Variants in CACNB3 observed in about 807,000 individuals in gnomAD.
CACNB3 encodes voltage-dependent L-type calcium channel subunit beta-3.
CACNB3 carries 36 observed loss-of-function variants against 63.7 expected under a neutral mutation model. The observed-to-expected ratio is 0.57, with a 90% CI of 0.43 to 0.75. The LOEUF (loss-of-function observed/expected upper bound fraction) is 0.75, where lower values mean the gene tolerates loss of function less well. Ranked by LOEUF, CACNB3 falls within the 30% of genes least tolerant of loss-of-function variation. CACNB3 has a pLI of 0.00. For synonymous variants in CACNB3, 241 were observed against 250.6 expected, an observed-to-expected ratio of 0.96 and a Z score of 0.36; for missense variants, 493 against 648.6, an observed-to-expected ratio of 0.76 and a Z score of 2.61.
intron 1 of CACNB3, chr12:48,819,755 G>T: frequency 2.3e-6 from 1 of 429,944 alleles, no homozygotes; most frequent in South Asian, 1.6e-5. Context: ...TTTGCTCAGA[G>T]AAACAGGCAA....
chr12:48,823,352 C>T lies in CACNB3; in HGVS notation c.54C>T (p.Ala18=), dbSNP rs765984263. The part of the protein sequence containing the change: ...PGFEDSEAGS[A]DSYTSRPSLD... ...CCTCTTTCCCAACCCAGGGTTCAGC[C>T]GACTCCTACACCAGCCGCCCATCTC... The change falls in exon 2 of 13, where the codon GCC becomes GCT. Residue 18 remains alanine (A), a synonymous_variant. Coordinates refer to ENST00000301050, the MANE Select transcript of CACNB3 (RefSeq NM_000725.4). This position sits in a 1 kb window ranked among gnomAD's most constrained non-coding sequence, Gnocchi z 4.2. 30 of 1,613,756 alleles carry T rather than the reference C, an allele frequency of 1.9e-5. No homozygotes were observed. Among genetic ancestry groups the T allele is most frequent in the South Asian group, 1.4e-4 (13 of 91,016 alleles).
Position 48,824,312 on chromosome 12 carries a change from G to A in CACNB3, c.346G>A (p.Ala116Thr), listed in dbSNP as rs764262320. ...GCTAGTGAAAGAGGGCGGGGACATC[G>A]CCTTCATCCCCAGCCCCCAGCGCCT... is the stretch of plus-strand genomic sequence containing the variant. The part of the protein sequence containing the change: ...GRLVKEGGDI[A>T]FIPSPQRLES... Residue 116 changes from alanine (A) to threonine (T), a missense_variant, in exon 4 of 13, where the codon GCC becomes ACC. By Grantham distance (58) the Ala-to-Thr change is moderately conservative. Coordinates refer to ENST00000301050, the MANE Select transcript of CACNB3 (RefSeq NM_000725.4). 28 of 1,612,854 alleles carry A rather than the reference G, an allele frequency of 1.7e-5. No homozygotes were observed. The highest frequency in any genetic ancestry group is 2.2e-5 in the East Asian group (1 of 44,860).
At chr12:48,815,107 T>G, upstream of CACNB3, 1 of 160,478 alleles carries the variant, frequency 6.2e-6, no homozygotes. Flanking sequence ...ACCAGCACTC[T>G]TGCTTTTCGG....
chr12:48,819,467 C>T (rs1937728105), intron 1 of CACNB3, among the ~76,000 whole-genome samples: 1 of 152,172 alleles, frequency 6.6e-6, no homozygotes, highest in South Asian at 2.1e-4. Context: ...CCTCTTCAGA[C>T]AGACGGATCC....
upstream of CACNB3, chr12:48,818,369 C>T (rs1942340663): frequency 2.4e-6 from 2 of 821,866 alleles, no homozygotes; most frequent in South Asian, 1.1e-4. The surrounding 1 kb of genome is among the most constrained non-coding windows in gnomAD (Gnocchi z 4.3). Context: ...AGCGCCCCCT[C>T]CCTCCCCCGC....
chr12:48,815,499 GGGAGGGA>G (rs932604831), upstream of CACNB3: 7 of 1,375,320 alleles, frequency 5.1e-6, no homozygotes, highest in African/African-American at 5.8e-5. Flanking sequence ...GGGAGAGGGA[GGGAGGGA>G]GGAGGGAGGA....
At position 48,827,448 on chromosome 12, in the gene CACNB3, A is replaced by G. The variant is rs115892137; in HGVS notation, c.1141-137A>G. ...AGTTTTCTCTCTCGGAAGAGGAAAA[A>G]TGCTCCAGCATGCTTTTTCCTTGCA... is the stretch of plus-strand genomic sequence containing the variant. On this transcript the variant is annotated intron_variant, in intron 12 of 12. Coordinates refer to ENST00000301050, the MANE Select transcript of CACNB3 (RefSeq NM_000725.4). 1,306 of 905,302 alleles carry G rather than the reference A, an allele frequency of 1.4e-3. 9 individuals carry two copies. The African/African-American group carries it at 0.021, about 14-fold the overall frequency. The allele number at this position is 905,302 out of a possible 1,614,324, so 56.1% of individuals were successfully genotyped here. A position where few individuals can be genotyped will look rare whatever the true frequency, so the allele number is the denominator to read the frequency against.
chr12:48,818,817 C>T lies in CACNB3; in HGVS notation c.-113C>T, dbSNP rs1420869950. On this transcript the variant is annotated 5_prime_UTR_variant, in exon 1 of 13. Coordinates refer to ENST00000301050, the MANE Select transcript of CACNB3 (RefSeq NM_000725.4). The surrounding 1 kb of genome is among the most constrained non-coding windows in gnomAD (Gnocchi z 4.3). ...CGCTCTCTCGCTCCCTGCCGCCGCC[C>T]GCAGGGCTGCGGGGCTCGGTGGCAT... 2 of 1,374,278 alleles carry T rather than the reference C, an allele frequency of 1.5e-6. No homozygotes were observed. Among genetic ancestry groups the T allele is most frequent in the South Asian group, 1.8e-5 (1 of 56,758 alleles). The allele number at this position is 1,374,278 out of a possible 1,614,324, so 85.1% of individuals were successfully genotyped here. A position where few individuals can be genotyped will look rare whatever the true frequency, so the allele number is the denominator to read the frequency against.
upstream of CACNB3, chr12:48,814,672 T>G: frequency 9.2e-7 from 1 of 1,083,364 alleles, no homozygotes; most frequent in South Asian, 1.6e-5. The surrounding 1 kb of genome is among the most constrained non-coding windows in gnomAD (Gnocchi z 6.9). Flanking sequence ...GGACTGCAGT[T>G]CCTGGAGAAA....
In CACNB3 at chr12:48,818,790, C is replaced by T. The variant is rs959947152; in HGVS notation, c.-140C>T. On this transcript the variant is annotated 5_prime_UTR_variant, in exon 1 of 13. Coordinates refer to ENST00000301050, the MANE Select transcript of CACNB3 (RefSeq NM_000725.4). The surrounding 1 kb of genome is among the most constrained non-coding windows in gnomAD (Gnocchi z 4.3). ...GGTCTTCGCGGCTCGCTCCCTCCTTCGCGCTCTCTCGCTCCCTGCCGCCGC... is the reference window on the plus strand; with the variant it reads ...GGTCTTCGCGGCTCGCTCCCTCCTTTGCGCTCTCTCGCTCCCTGCCGCCGC... 9.6e-6 allele frequency: 13 copies of T among 1,356,558 alleles called. No homozygotes were observed. The highest frequency in any genetic ancestry group is 4.1e-5 in the Admixed American group (1 of 24,340). 84.0% of individuals were successfully genotyped at this position (1,356,558 alleles called of 1,614,324 possible). A position where few individuals can be genotyped will look rare whatever the true frequency, so the allele number is the denominator to read the frequency against.
chr12:48,819,089 G>GTAGGGGGGCGCTC (rs1937703886), intron 1 of CACNB3, 115 bp downstream of exon 1: 1 of 1,131,264 alleles, frequency 8.8e-7, no homozygotes, highest in Admixed American at 2.3e-5. Flanking sequence ...GGCAGGGTTT[G>GTAGGGGGGCGCTC]TAGGGGGGCG....
chr12:48,824,818 T>TGGGAAGGGTTTGTGGA (rs1201793615), intron 5 of CACNB3, 85 bp downstream of exon 5: 1 of 1,538,624 alleles, frequency 6.5e-7, no homozygotes, highest in Non-Finnish European at 9.0e-7. Context: ...GTGAACTGTG[T>TGGGAAGGGTTTGTGGA]GGGAAGGGTT....
rs1938165566 is a variant in CACNB3, at chr12:48,826,859, GTGCC to G, written c.990+8_990+11del. On this transcript the variant is annotated splice_donor_region_variant and intron_variant, in intron 11 of 12. Coordinates refer to ENST00000301050, the MANE Select transcript of CACNB3 (RefSeq NM_000725.4). The surrounding 1 kb of genome is among the most constrained non-coding windows in gnomAD (Gnocchi z 4.8). ...AAGCTGGTTCAGTGCCCACCGGTGA[GTGCC>G]TGGGTCAGCTGCTCCTGTGCCCACT... 2.5e-6 allele frequency: 4 copies of G among 1,613,490 alleles called. No individual in the cohort carries two copies. Among genetic ancestry groups the G allele is most frequent in the Admixed American group, 3.3e-5 (2 of 60,004 alleles).
At chr12:48,815,576 G>T, upstream of CACNB3, 2 of 1,522,698 alleles carry the variant, frequency 1.3e-6, no homozygotes, top group Non-Finnish European at 1.8e-6. Flanking sequence ...CGGCGGGCGT[G>T]GGGCGAGGCC....
upstream of CACNB3, among the ~76,000 whole-genome samples, chr12:48,815,934 C>T (rs1236412211): frequency 6.6e-6 from 1 of 152,068 alleles, no homozygotes; most frequent in Non-Finnish European, 1.5e-5. Flanking sequence ...CTTCCTAGTA[C>T]TGGGATTGGA....
upstream of CACNB3, chr12:48,815,713 C>A: frequency 6.8e-7 from 1 of 1,478,144 alleles, no homozygotes; most frequent in Non-Finnish European, 9.1e-7. Flanking sequence ...CCAGTGCAAC[C>A]TTCCTGCTGA....
At chr12:48,815,590 C>T (rs1467493432), upstream of CACNB3, 102 of 1,504,286 alleles carry the variant, frequency 6.8e-5, no homozygotes, top group Non-Finnish European at 9.0e-5. Flanking sequence ...CGAGGCCAGG[C>T]GTGCAGGCGG....
At position 48,824,293 on chromosome 12, in the gene CACNB3, G is replaced by C; in HGVS notation, c.327G>C (p.Val109=). ...YSNDWWIGRL[V]KEGGDIAFIP... is the part of the protein sequence containing the mutation. ...ATGACTGGTGGATCGGGCGGCTAGTGAAAGAGGGCGGGGACATCGCCTTCA... is the reference window on the plus strand; with the variant it reads ...ATGACTGGTGGATCGGGCGGCTAGTCAAAGAGGGCGGGGACATCGCCTTCA... Residue 109 remains valine, a synonymous_variant, in exon 4 of 13, where the codon GTG becomes GTC. Transcript: ENST00000301050. 6.2e-7 allele frequency: 1 copy of C among 1,613,382 alleles called. No homozygotes were observed. The highest frequency in any genetic ancestry group is 8.5e-7 in the Non-Finnish European group (1 of 1,179,826).
intron 3 of CACNB3, 111 bp from the exon 4 acceptor site, chr12:48,824,147 G>T: frequency 1.1e-6 from 1 of 913,456 alleles, no homozygotes. Flanking sequence ...CCCTTGCATT[G>T]CATTCCTCAG....
Sources: allele counts gnomAD v4.1 joint callset (sites outside exome capture counted in the v4.1 genomes callset), GRCh38; gene constraint gnomAD v4.1.1; non-coding constraint Gnocchi (gnomAD v3.1); transcripts MANE v1.5; gene names NCBI Gene and HGNC (gene_info 2026-07-23, HGNC 2026-07-21).